Variants in ASIC2 observed in about 807,000 individuals in gnomAD.
ASIC2 encodes the protein acid-sensing ion channel 2.
In ASIC2, 25 loss-of-function variants were observed where a neutral mutation model predicts 57.3. The observed-to-expected ratio is 0.44, with a 90% CI of 0.32 to 0.61. ASIC2 has a LOEUF of 0.61. Ranked by LOEUF, ASIC2 falls within the 20% of genes least tolerant of loss-of-function variation. The pLI is 0.06. For synonymous variants in ASIC2, 319 were observed against 307.5 expected, an observed-to-expected ratio of 1.04 and a Z score of -0.39; for missense variants, 641 against 738.1, an observed-to-expected ratio of 0.87 and a Z score of 1.52.
intron 1 of ASIC2, among the ~76,000 whole-genome samples, chr17:33,133,950 C>G (rs2092357961): frequency 6.6e-6 from 1 of 152,214 alleles, no homozygotes; most frequent in Admixed American, 6.5e-5. Context: ...TATGCCTCAG[C>G]TCACTTGACA....
chr17:33,408,517 G>T (rs1446563912), intron 1 of ASIC2, among the ~76,000 whole-genome samples: 1 of 152,140 alleles, frequency 6.6e-6, no homozygotes. Context: ...AAAATACAAG[G>T]CATATGTAAA....
intron 2 of ASIC2, among the ~76,000 whole-genome samples, chr17:33,109,304 A>G (rs764667941): frequency 6.6e-6 from 1 of 152,230 alleles, no homozygotes; most frequent in Non-Finnish European, 1.5e-5. Context: ...GATTGCCACA[A>G]GGGGTTAGTG....
At chr17:33,827,555 A>T (rs56181810) in intron 1 of ASIC2, among the ~76,000 whole-genome samples, 4 of 148,466 alleles carry the variant, frequency 2.7e-5, no homozygotes, top group Non-Finnish European at 5.9e-5. Flanking sequence ...CATGTTAGCC[A>T]GGATGGTCTT....
At chr17:33,680,451 C>T (rs2142057122) in intron 1 of ASIC2, 1 of 152,150 alleles carries the variant, frequency 6.6e-6, no homozygotes, top group Admixed American at 6.5e-5. Flanking sequence ...GTGGCCTCCC[C>T]AGGGAGGAGC....
rs143824031 is a variant in ASIC2 at position 33,163,721 on chromosome 17, C to G, written c.709-51654G>C. ...ACATCCTAGCGAGGTAGACAACCAA[C>G]AAGGAAACAAGTCCAATATGACATG... On this transcript the variant is annotated intron_variant, in intron 1 of 9. Coordinates refer to ENST00000225823, the MANE Select transcript of ASIC2 (RefSeq NM_183377.2). Among the ~76,000 whole-genome samples, 21 of 152,196 alleles carry G rather than the reference C, an allele frequency of 1.4e-4. 1 individual carries two copies. In the Middle Eastern group the frequency reaches 0.02, roughly 148 times the overall value.
chr17:34,007,137 G>T (rs143829970), intron 1 of ASIC2, among the ~76,000 whole-genome samples: 5 of 152,284 alleles, frequency 3.3e-5, no homozygotes, highest in African/African-American at 9.6e-5. Flanking sequence ...CAGCCCAGAG[G>T]GGGGAAGGAA....
At chr17:33,568,075 T>A (rs1916302667) in intron 1 of ASIC2, among the ~76,000 whole-genome samples, 1 of 152,222 alleles carries the variant, frequency 6.6e-6, no homozygotes, top group Non-Finnish European at 1.5e-5. Flanking sequence ...AGTAACATCA[T>A]CCCTCAGTCA....
intron 1 of ASIC2, among the ~76,000 whole-genome samples, chr17:33,321,367 T>C (rs779753662): frequency 7.2e-5 from 11 of 152,196 alleles, no homozygotes; most frequent in Non-Finnish European, 1.0e-4. Flanking sequence ...CATTCATTTT[T>C]ACAAATGTGA....
chr17:33,279,484 G>T (rs186789186), intron 1 of ASIC2, among the ~76,000 whole-genome samples: 1 of 152,328 alleles, frequency 6.6e-6, no homozygotes, highest in Admixed American at 6.5e-5. Context: ...GGAAGAGGGA[G>T]GTCGGTCAAG....
intron 1 of ASIC2, among the ~76,000 whole-genome samples, chr17:33,609,549 G>T (rs539275550): frequency 8.5e-5 from 13 of 152,276 alleles, no homozygotes; most frequent in African/African-American, 3.1e-4. Flanking sequence ...GCTCAACCCA[G>T]TAGAAGCCTT....
At chr17:34,074,782 C>CTTTTTTTTTTTTTTTTTTTTTT (rs35010578) in intron 1 of ASIC2, among the ~76,000 whole-genome samples, 1 of 113,942 alleles carries the variant, frequency 8.8e-6, no homozygotes, top group Non-Finnish European at 1.8e-5. Flanking sequence ...TTCTTTCTTT[C>CTTTTTTTTTTTTTTTTTTTTTT]TTTTTTTTTT....
chr17:33,683,885 G>T (rs751071038), intron 1 of ASIC2, among the ~76,000 whole-genome samples: 1 of 152,138 alleles, frequency 6.6e-6, no homozygotes, highest in African/African-American at 2.4e-5. Flanking sequence ...GCCTCATCTT[G>T]ACTCTACCAA....
At chr17:33,821,335 T>G (rs983539829) in intron 1 of ASIC2, among the ~76,000 whole-genome samples, 8 of 152,212 alleles carry the variant, frequency 5.3e-5, no homozygotes, top group African/African-American at 1.9e-4. Flanking sequence ...CATATTTCCT[T>G]CGAGCTCTAG....
chr17:34,138,993 A>G (rs184494080), intron 1 of ASIC2, among the ~76,000 whole-genome samples: 78 of 152,350 alleles, frequency 5.1e-4, no homozygotes, highest in Middle Eastern at 3.4e-3. Context: ...TCCTTATAAT[A>G]CAATGTCAGC....
At chr17:33,351,473 T>A (rs1908177059) in intron 1 of ASIC2, among the ~76,000 whole-genome samples, 1 of 152,190 alleles carries the variant, frequency 6.6e-6, no homozygotes, top group Non-Finnish European at 1.5e-5. Flanking sequence ...TGATTTCCCA[T>A]CTTCTCTCAT....
intron 1 of ASIC2, among the ~76,000 whole-genome samples, chr17:33,189,818 A>G (rs1039999596): frequency 1.3e-5 from 2 of 152,216 alleles, no homozygotes; most frequent in South Asian, 2.1e-4. Context: ...CTGATAAACT[A>G]CAAGGAAAAA....
intron 1 of ASIC2, among the ~76,000 whole-genome samples, chr17:33,583,527 G>A (rs1597796908): frequency 2.0e-5 from 3 of 152,264 alleles, no homozygotes; most frequent in African/African-American, 7.2e-5. Flanking sequence ...CAGAACAGAG[G>A]AAGGGAGCCA....
intron 1 of ASIC2, chr17:34,071,396 C>T (rs1909394535): frequency 6.6e-6 from 1 of 152,136 alleles, no homozygotes; most frequent in Non-Finnish European, 1.5e-5. Flanking sequence ...GCACTGTTCT[C>T]TTCTGAGACC....
intron 1 of ASIC2, among the ~76,000 whole-genome samples, chr17:33,727,318 A>G (rs1909593194): frequency 6.6e-6 from 1 of 152,238 alleles, no homozygotes; most frequent in Non-Finnish European, 1.5e-5. Flanking sequence ...GGAACTTCCA[A>G]GACACAAAGT....
Sources: allele counts gnomAD v4.1 joint callset (sites outside exome capture counted in the v4.1 genomes callset), GRCh38; gene constraint gnomAD v4.1.1; transcripts MANE v1.5; gene names NCBI Gene and HGNC (gene_info 2026-07-23, HGNC 2026-07-21).